Variants in MDN1 observed in about 807,000 individuals in gnomAD.
MDN1 encodes midasin AAA ATPase 1.
Under a neutral mutation model 669.2 loss-of-function variants are expected in MDN1, and 266 were observed. The ratio of observed to expected loss-of-function variants is 0.40; its 90% CI spans 0.36 to 0.44. The LOEUF (loss-of-function observed/expected upper bound fraction) is 0.44. Ranked by LOEUF, MDN1 falls within the 20% of genes least tolerant of loss-of-function variation. MDN1 has a pLI of 1.00. For missense variants in MDN1, 5,940 were observed against 6,754.0 expected, an observed-to-expected ratio of 0.88 and a Z score of 4.22; for synonymous variants, 2,385 against 2,457.1, an observed-to-expected ratio of 0.97 and a Z score of 0.87.
chr6:89,731,134 G>A (rs1460704861), intron 34 of MDN1, among the ~76,000 whole-genome samples: 2 of 152,218 alleles, frequency 1.3e-5, no homozygotes, highest in African/African-American at 4.8e-5. Context: ...AGATCATTCA[G>A]TAAAGCACTC....
At position 89,650,785 on chromosome 6, in the gene MDN1, C is replaced by T. The variant is rs761581342; in HGVS notation, c.15978G>A (p.Arg5326=). ...ATATGAGACGAAGCTCTTCACATAA[C>T]CGTTGTGAAAGAGGCGCTGTTAAGA... ...YLILTAPLSQ[R]LCEELRLILE... The change falls in exon 96 of 102, where the codon CGG becomes CGA. Residue 5326 remains arginine (R), a synonymous_variant. Transcript: ENST00000369393. 1 of 1,614,162 alleles carries T rather than the reference C, an allele frequency of 6.2e-7. No individual in the cohort carries two copies. The highest frequency in any genetic ancestry group is 1.1e-5 in the South Asian group (1 of 91,082).
chr6:89,761,110 G>A (rs1417438309), intron 17 of MDN1, among the ~76,000 whole-genome samples: 1 of 152,132 alleles, frequency 6.6e-6, no homozygotes, highest in Non-Finnish European at 1.5e-5. Context: ...AGCTTGCAGT[G>A]AGCCGAGACT....
chr6:89,653,162 T>C lies in MDN1; in HGVS notation c.15662-7A>G. On this transcript the variant is annotated splice_region_variant and splice_polypyrimidine_tract_variant and intron_variant, in intron 93 of 101. Transcript: ENST00000369393. ...ACTTCCATCTCATCAAAGCCTATTT[T>C]CATTTAAGGACATAATTTTACTTAT... 6.2e-7 allele frequency: 1 copy of C among 1,604,180 alleles called. No individual in the cohort carries two copies. Among genetic ancestry groups the C allele is most frequent in the Non-Finnish European group, 8.5e-7 (1 of 1,177,640 alleles).
At chr6:89,652,819 A>C (rs1025654080) in intron 94 of MDN1, among the ~76,000 whole-genome samples, 173 bp downstream of exon 94, 1 of 152,242 alleles carries the variant, frequency 6.6e-6, no homozygotes, top group Non-Finnish European at 1.5e-5. Flanking sequence ...ACGTGCTTGA[A>C]GAACACCTAT....
intron 74 of MDN1, 115 bp from the exon 75 acceptor site, chr6:89,678,860 CA>C: frequency 9.4e-7 from 1 of 1,067,764 alleles, no homozygotes; most frequent in Non-Finnish European, 1.3e-6. Flanking sequence ...AAGTATCATT[CA>C]TCTTTATACC....
At chr6:89,802,767 A>T (rs559467755) in intron 2 of MDN1, among the ~76,000 whole-genome samples, 2 of 152,222 alleles carry the variant, frequency 1.3e-5, no homozygotes, top group African/African-American at 4.8e-5. Flanking sequence ...AAGTTTTAAA[A>T]ATCTTTTCAA....
intron 50 of MDN1, among the ~76,000 whole-genome samples, chr6:89,709,841 C>A (rs183008243): frequency 6.6e-6 from 1 of 152,208 alleles, no homozygotes. Context: ...TGAATACTTC[C>A]TTTGATCAGA....
At chr6:89,755,379 CAAAAAAA>C (rs143855867) in intron 20 of MDN1, among the ~76,000 whole-genome samples, 4 of 121,234 alleles carry the variant, frequency 3.3e-5, no homozygotes, top group South Asian at 2.7e-4. Flanking sequence ...CTCCTGTATC[CAAAAAAA>C]AAAAAAAAAA....
At chr6:89,735,506 T>G (rs1383662398) in intron 33 of MDN1, among the ~76,000 whole-genome samples, 5 of 152,012 alleles carry the variant, frequency 3.3e-5, no homozygotes, top group Non-Finnish European at 1.5e-5. Context: ...CCTGAGTAGC[T>G]AAGATTATAG....
intron 85 of MDN1, 44 bp downstream of exon 85, chr6:89,664,443 T>G (rs1810036865): frequency 6.2e-7 from 1 of 1,604,538 alleles, no homozygotes; most frequent in Non-Finnish European, 8.5e-7. Flanking sequence ...GATAAAATAT[T>G]TATGCTTTCA....
In MDN1 at chr6:89,683,271, G is replaced by C; in HGVS notation, c.11963C>G (p.Ser3988Cys). The change falls in exon 73 of 102, where the codon TCC (serine) becomes TGC (cysteine). Residue 3988 changes from serine (S) to cysteine (C), a missense_variant. By Grantham distance (112) the Ser-to-Cys change is moderately radical. Transcript: ENST00000369393. ...EAVLSEPCRS[S>C]LVESDKEEQP... ...TTCTTCCTTGTCACTCTCCACCAGG[G>C]ATGACCGGCAGGGTTCACTCAGGAC... 1 of 1,614,160 alleles carries C rather than the reference G, an allele frequency of 6.2e-7. No individual in the cohort carries two copies. Among genetic ancestry groups the C allele is most frequent in the Non-Finnish European group, 8.5e-7 (1 of 1,180,036 alleles).
rs775439733 is a variant in MDN1, at chr6:89,700,273, T to C, written c.8660A>G (p.His2887Arg). 1 of 1,614,182 alleles carries C rather than the reference T, an allele frequency of 6.2e-7. No individual in the cohort carries two copies. Among genetic ancestry groups the C allele is most frequent in the Non-Finnish European group, 8.5e-7 (1 of 1,179,992 alleles). The change falls in exon 57 of 102, where the codon CAT becomes CGT. Residue 2887 changes from histidine to arginine, a missense_variant. Coordinates refer to ENST00000369393, the MANE Select transcript of MDN1 (RefSeq NM_014611.3). The stretch of plus-strand genomic sequence containing the variant: ...GGCTTTCAGTTCTAAACACTGAGCA[T>C]GCACAAAATTCTTCAATTCATCTGG... ...VSLDELKNFV[H>R]AQCLELKAKG... is the part of the protein sequence containing the mutation.
intron 78 of MDN1, 116 bp from the exon 79 acceptor site, chr6:89,674,705 A>T (rs1811065251): frequency 7.3e-7 from 1 of 1,369,708 alleles, no homozygotes; most frequent in African/African-American, 1.4e-5. Flanking sequence ...CATACAGTCA[A>T]GAAGGAAGAA....
intron 51 of MDN1, 114 bp downstream of exon 51, chr6:89,708,382 C>A: frequency 7.6e-7 from 1 of 1,318,784 alleles, no homozygotes; most frequent in Non-Finnish European, 1.0e-6. Context: ...CACCCCACAA[C>A]TTCTCAGGTT....
At chr6:89,750,569 C>A in intron 23 of MDN1, 37 bp from the exon 24 acceptor site, 1 of 1,551,714 alleles carries the variant, frequency 6.4e-7, no homozygotes, top group Non-Finnish European at 8.8e-7. Flanking sequence ...CTTAAAACAA[C>A]AAAAAATTAC....
Position 89,674,205 on chromosome 6 carries a change from C to G in MDN1, c.13146G>C (p.Gln4382His). Residue 4382 changes from glutamine to histidine, a missense_variant, in exon 79 of 102, where the codon CAG becomes CAC. By Grantham distance (24) the Gln-to-His change is conservative. Transcript: ENST00000369393. Reference protein sequence around the residue: ...RMRKQDHLWQQSTTRLTEMLK... With the variant: ...RMRKQDHLWQHSTTRLTEMLK... ...GCATCTCTGTTAATCTCGTAGTTGA[C>G]TGTTGCCAAAGGTGATCCTGTTTCC... 6.2e-7 allele frequency: 1 copy of G among 1,614,214 alleles called. No individual in the cohort carries two copies. The highest frequency in any genetic ancestry group is 8.5e-7 in the Non-Finnish European group (1 of 1,180,046).
intron 1 of MDN1, chr6:89,815,284 C>G (rs1453016678): frequency 2.1e-6 from 1 of 471,228 alleles, no homozygotes; most frequent in East Asian, 5.8e-5. Context: ...GACCTAGCAC[C>G]TATGGGGAGC....
In MDN1 at chr6:89,650,840, A is replaced by G. The variant is rs140535277; in HGVS notation, c.15923T>C (p.Val5308Ala). 7.2e-4 allele frequency: 1,160 copies of G among 1,613,712 alleles called. 2 individuals carry two copies. The highest frequency in any genetic ancestry group is 5.3e-3 in the Middle Eastern group (32 of 6,058). Residue 5308 changes from valine to alanine, a missense_variant, in exon 96 of 102, where the codon GTT becomes GCT. Val to Ala is a moderately conservative substitution (Grantham distance 64). This residue lies in a region of MDN1 where 2,280 missense variants were observed against 2,576.3 expected (regional missense o/e 0.88). Transcript: ENST00000369393. ...RESGNPEEEK[V>A]AAEMWQSYLI... is the part of the protein sequence containing the mutation. ...GTAACTCTGCCACATCTCAGCTGCA[A>G]CCTTCTCCTGTGACAACAACAAAAT...
chr6:89,710,753 TGA>T lies in MDN1; in HGVS notation c.7691_7692del (p.Leu2564GlnfsTer14), dbSNP rs760891781. 1.2e-6 allele frequency: 2 copies of T among 1,602,358 alleles called. No individual in the cohort carries two copies. The highest frequency in any genetic ancestry group is 1.7e-6 in the Non-Finnish European group (2 of 1,175,684). On this transcript the variant is annotated frameshift_variant, in exon 50 of 102. Coordinates refer to ENST00000369393, the MANE Select transcript of MDN1 (RefSeq NM_014611.3). LOFTEE classifies it high-confidence loss of function. ...GAGAGGGAATGTGAGTAAAAATTCC[TGA>T]GAGATGCAGCACTGGCTTCCAAATG... Reference protein sequence around the residue: ...QIHLEASAASLRNFYSHSLSG... With the variant: ...QIHLEASAASXRNFYSHSLSG...
Sources: gnomAD v4.1 joint callset for allele counts (sites outside exome capture counted in the v4.1 genomes callset) on GRCh38, gnomAD v4.1.1 for gene constraint, gnomAD v4.1.1 regional missense constraint, MANE v1.5 for transcripts, NCBI Gene and HGNC (gene_info 2026-07-23, HGNC 2026-07-21) for gene names.